The following AMTN variants were observed in gnomAD, a reference collection of about 807,000 sequenced individuals.
The protein encoded by AMTN is amelotin.
A neutral mutation model predicts 27.4 loss-of-function variants in AMTN; 29 were observed. The observed-to-expected ratio is 1.06, with a 90% CI of 0.79 to 1.44. The LOEUF is 1.44. Ranked by LOEUF, AMTN falls within the 40% of genes most tolerant of loss-of-function variation. The pLI is 0.00. For synonymous variants in AMTN, 86 were observed against 95.7 expected (o/e 0.90, Z 0.59); for missense variants, 247 against 248.8 (o/e 0.99, Z 0.05).
intron 2 of AMTN, among the ~76,000 whole-genome samples, chr4:70,519,218 G>C (rs1432304177): frequency 6.6e-6 from 1 of 152,034 alleles, no homozygotes; most frequent in East Asian, 1.9e-4. Flanking sequence ...TTTCTACTTG[G>C]AAATGCTAAA....
Position 70,531,142 on chromosome 4 carries a change from CA to C in AMTN, c.462del (p.Ala155GlnfsTer6). The C allele has an allele frequency of 6.2e-7, 1 of 1,614,012 alleles. No individual in the cohort carries two copies. Among genetic ancestry groups the C allele is most frequent in the Non-Finnish European group, 8.5e-7 (1 of 1,179,966 alleles). On this transcript the variant is annotated frameshift_variant, in exon 8 of 9. Coordinates refer to ENST00000339336, the MANE Select transcript of AMTN (RefSeq NM_212557.4). LOFTEE classifies it high-confidence loss of function. The part of the protein sequence containing the change: ...ANPDVQDGSL[P>X]AGGAGVNPAT... ...CCAGATGTCCAGGATGGAAGCCTTC[CA>C]GCAGGAGGAGCAGGTGTAAATCCTG...
Position 70,524,978 on chromosome 4 carries a change from G to C in AMTN, c.294+17G>C, listed in dbSNP as rs181028255. On this transcript the variant is annotated intron_variant, in intron 5 of 8. Transcript: ENST00000339336. ...CACCCACATGTAAGTTGAACAGCTG[G>C]ACCTTAGTTTTAACATTAGAGAGCA... The C allele has an allele frequency of 2.5e-4, 405 of 1,609,156 alleles. 1 individual carries two copies. Among genetic ancestry groups the C allele is most frequent in the Middle Eastern group, 3.3e-4 (2 of 6,050 alleles).
intron 2 of AMTN, among the ~76,000 whole-genome samples, chr4:70,520,251 A>G (rs1735926702): frequency 6.6e-6 from 1 of 152,246 alleles, no homozygotes; most frequent in African/African-American, 2.4e-5. Flanking sequence ...GGGGCAGGGC[A>G]GCAGGGAGGC....
At chr4:70,529,340 G>A in intron 7 of AMTN, 130 bp downstream of exon 7, 2 of 527,446 alleles carry the variant, frequency 3.8e-6, no homozygotes, top group Non-Finnish European at 6.2e-6. Context: ...CATTTTTATA[G>A]TTCCTTACAT....
At position 70,524,957 on chromosome 4, in the gene AMTN, C is replaced by T. The variant is rs756184867; in HGVS notation, c.290C>T (p.Pro97Leu). ...GGLNVQQQLH[P>L]HVLPIFVTQL... ...TTGAATGTACAACAGCAACTGCACC[C>T]ACATGTAAGTTGAACAGCTGGACCT... Residue 97 changes from proline to leucine, a missense_variant, in exon 5 of 9, where the codon CCA becomes CTA. Transcript: ENST00000339336. 1 of 1,613,736 alleles carries T rather than the reference C, an allele frequency of 6.2e-7. No homozygotes were observed. Among genetic ancestry groups the T allele is most frequent in the Non-Finnish European group, 8.5e-7 (1 of 1,179,706 alleles).
intron 5 of AMTN, among the ~76,000 whole-genome samples, 194 bp from the exon 6 acceptor site, chr4:70,528,528 TA>T (rs778158416): frequency 2.6e-5 from 4 of 152,068 alleles, no homozygotes; most frequent in Non-Finnish European, 5.9e-5. Flanking sequence ...CAGGCAACTG[TA>T]ATCCCAGCTA....
chr4:70,522,840 T>G lies in AMTN; in HGVS notation c.138+2T>G. ...CCAAACCAACAGCAGTCAAATCAGG[T>G]AAGAGTCCTACAATATGGAACATGT... On this transcript the variant is annotated splice_donor_variant, in intron 3 of 8. Coordinates refer to ENST00000339336, the MANE Select transcript of AMTN (RefSeq NM_212557.4). LOFTEE classifies it high-confidence loss of function. 5 of 1,613,558 alleles carry G rather than the reference T, an allele frequency of 3.1e-6. No individual in the cohort carries two copies. The highest frequency in any genetic ancestry group is 4.2e-6 in the Non-Finnish European group (5 of 1,179,626).
In AMTN at chr4:70,527,994, G is replaced by C. The variant is rs553832116; in HGVS notation, c.295-729G>C. On this transcript the variant is annotated intron_variant, in intron 5 of 8. Transcript: ENST00000339336. The stretch of plus-strand genomic sequence containing the variant: ...ACAGCAAGATGTCCAGACAACTATT[G>C]CAAGACTAAGTATATATACCTCAAG... Among the ~76,000 whole-genome samples the C allele has an allele frequency of 2.0e-5, 3 of 152,236 alleles. No individual in the cohort carries two copies. The South Asian group carries it at 6.2e-4, about 32-fold the overall frequency.
chr4:70,522,853 A>G lies in AMTN; in HGVS notation c.138+15A>G, dbSNP rs2109770390. The G allele has an allele frequency of 3.7e-6, 6 of 1,610,348 alleles. No individual in the cohort carries two copies. In the African/African-American group the frequency reaches 4.0e-5, roughly 11 times the overall value. On this transcript the variant is annotated intron_variant, in intron 3 of 8. Transcript: ENST00000339336. ...AGTCAAATCAGGTAAGAGTCCTACAATATGGAACATGTACAAACCGGTAAA... is the reference window on the plus strand; with the variant it reads ...AGTCAAATCAGGTAAGAGTCCTACAGTATGGAACATGTACAAACCGGTAAA...
chr4:70,518,719 G>T lies in AMTN; in HGVS notation c.-15-44G>T, dbSNP rs372055902. On this transcript the variant is annotated intron_variant, in intron 1 of 8. Transcript: ENST00000339336. ...TTTAAAGTATCATTTTCTCTTAAAA[G>T]GAAAAAAAATACATGGAAGAGTAAC... The T allele has an allele frequency of 2.3e-4, 304 of 1,344,958 alleles. No homozygotes were observed. In the African/African-American group the frequency reaches 4.2e-3, roughly 19 times the overall value. The allele number at this position is 1,344,958 out of a possible 1,614,324, so 83.3% of individuals were successfully genotyped here. A position where few individuals can be genotyped will look rare whatever the true frequency, so the allele number is the denominator to read the frequency against.
rs1054577490 is a variant in AMTN, at chr4:70,531,383, T to C, written c.619+83T>C. ...AAAAGAGGAGTTCTTTGTCTTGCCTTGACAAATGCAGATCTTAGTAAGATT... is the reference window on the plus strand; with the variant it reads ...AAAAGAGGAGTTCTTTGTCTTGCCTCGACAAATGCAGATCTTAGTAAGATT... On this transcript the variant is annotated intron_variant, in intron 8 of 8. Coordinates refer to ENST00000339336, the MANE Select transcript of AMTN (RefSeq NM_212557.4). 3 of 1,542,262 alleles carry C rather than the reference T, an allele frequency of 1.9e-6. No individual in the cohort carries two copies. In the African/African-American group the frequency reaches 4.1e-5, roughly 21 times the overall value.
chr4:70,522,827 C>T lies in AMTN; in HGVS notation c.127C>T (p.Gln43Ter). 1 of 1,613,912 alleles carries T rather than the reference C, an allele frequency of 6.2e-7. No homozygotes were observed. Among genetic ancestry groups the T allele is most frequent in the South Asian group, 1.1e-5 (1 of 91,078 alleles). Residue 43 changes from glutamine to a stop codon, truncating the protein, a stop_gained, in exon 3 of 9, where the codon CAG becomes TAG. Transcript: ENST00000339336. LOFTEE classifies it high-confidence loss of function. ...TCAGGGAACACTACCAAACCAACAG[C>T]AGTCAAATCAGGTAAGAGTCCTACA... ...PDQGTLPNQQQSNQVFPSLSL... is the reference protein window; with the variant it reads ...PDQGTLPNQQ
rs1289640199 is a variant in AMTN at position 70,522,976 on chromosome 4, AGAGAG to A, written c.138+140_138+144del. The stretch of plus-strand genomic sequence containing the variant: ...TGAAGACTGTACAAGACTGAACAAG[AGAGAG>A]GCTTTTCGTTTGGGAGTGGGGAAAA... On this transcript the variant is annotated intron_variant, in intron 3 of 8. Coordinates refer to ENST00000339336, the MANE Select transcript of AMTN (RefSeq NM_212557.4). 4.7e-5 allele frequency: 34 copies of A among 724,734 alleles called. No homozygotes were observed. The African/African-American group carries it at 6.1e-4, about 13-fold the overall frequency. 44.9% of individuals were successfully genotyped at this position (724,734 alleles called of 1,614,324 possible). A position where few individuals can be genotyped will look rare whatever the true frequency, so the allele number is the denominator to read the frequency against.
intron 2 of AMTN, among the ~76,000 whole-genome samples, chr4:70,521,179 G>A (rs1053421979): frequency 2.6e-5 from 4 of 152,092 alleles, no homozygotes; most frequent in African/African-American, 9.7e-5. Context: ...AGGAGTTCAA[G>A]ACCAGCCTGA....
intron 6 of AMTN, 116 bp downstream of exon 6, chr4:70,528,874 G>A: frequency 1.2e-6 from 1 of 844,732 alleles, no homozygotes; most frequent in Non-Finnish European, 1.8e-6. Flanking sequence ...GTACTGTATG[G>A]ACACTGATAA....
intron 2 of AMTN, among the ~76,000 whole-genome samples, chr4:70,520,845 TAAAG>T (rs1735937250): frequency 6.6e-6 from 1 of 151,876 alleles, no homozygotes; most frequent in Non-Finnish European, 1.5e-5. Context: ...GAAATTCAAG[TAAAG>T]AAACAGGTGA....
Position 70,518,753 on chromosome 4 carries a change from G to GTAACACT in AMTN, c.-15-9_-15-8insAACACTT. On this transcript the variant is annotated splice_polypyrimidine_tract_variant and intron_variant, in intron 1 of 8. Transcript: ENST00000339336. ...ATACATGGAAGAGTAACACTTTTTTGTTGTTGTAGGTAGCAATCTGAAACA... is the reference window on the plus strand; with the variant it reads ...ATACATGGAAGAGTAACACTTTTTTGTAACACTTTGTTGTAGGTAGCAATCTGAAACA... 1 of 1,552,818 alleles carries GTAACACT rather than the reference G, an allele frequency of 6.4e-7. No homozygotes were observed. Among genetic ancestry groups the GTAACACT allele is most frequent in the Non-Finnish European group, 8.9e-7 (1 of 1,127,574 alleles).
In AMTN at chr4:70,522,857, G is replaced by T; in HGVS notation, c.138+19G>T. The T allele has an allele frequency of 6.2e-7, 1 of 1,608,030 alleles. No homozygotes were observed. The highest frequency in any genetic ancestry group is 8.5e-7 in the Non-Finnish European group (1 of 1,175,086). ...AAATCAGGTAAGAGTCCTACAATAT[G>T]GAACATGTACAAACCGGTAAAGAAA... On this transcript the variant is annotated intron_variant, in intron 3 of 8. Coordinates refer to ENST00000339336, the MANE Select transcript of AMTN (RefSeq NM_212557.4).
At chr4:70,519,249 TA>T (rs1261750362) in intron 2 of AMTN, among the ~76,000 whole-genome samples, 3 of 152,192 alleles carry the variant, frequency 2.0e-5, no homozygotes, top group African/African-American at 7.2e-5. Context: ...GTATAAATTC[TA>T]AAAAGACCAC....
Sources: allele counts gnomAD v4.1 joint callset (sites outside exome capture counted in the v4.1 genomes callset), GRCh38; gene constraint gnomAD v4.1.1; transcripts MANE v1.5; gene names NCBI Gene and HGNC (gene_info 2026-07-23, HGNC 2026-07-21).